Variants in TTC17 observed in about 807,000 individuals in gnomAD.
TTC17 encodes the protein tetratricopeptide repeat protein 17.
A neutral mutation model predicts 143.8 loss-of-function variants in TTC17; 58 were observed. The observed-to-expected ratio is 0.40, with a 90% CI of 0.33 to 0.50. The LOEUF is 0.50. TTC17 is among the 20% of genes least tolerant of loss of function. TTC17 has a pLI of 0.49. For missense variants in TTC17, 1,273 were observed against 1,392.5 expected, an observed-to-expected ratio of 0.91 and a Z score of 1.37; for synonymous variants, 501 against 497.8, an observed-to-expected ratio of 1.01 and a Z score of -0.09.
chr11:43,426,362 A>G (rs1947027331), intron 16 of TTC17, among the ~76,000 whole-genome samples: 1 of 152,222 alleles, frequency 6.6e-6, no homozygotes, highest in African/African-American at 2.4e-5. Flanking sequence ...AGAGGAAACA[A>G]TATGTAACAA....
chr11:43,387,383 A>C lies in TTC17; in HGVS notation c.250-2269A>C, dbSNP rs1283362685. On this transcript the variant is annotated intron_variant, in intron 2 of 23. Transcript: ENST00000039989. ...CTGAGAAGTGACATACACCATCTTT[A>C]CTCACATTCCATTGGCCAAAGCAAG... Among the ~76,000 whole-genome samples the C allele has an allele frequency of 2.0e-5, 3 of 152,248 alleles. No individual in the cohort carries two copies. In the East Asian group the frequency reaches 5.8e-4, roughly 29 times the overall value.
intron 21 of TTC17, among the ~76,000 whole-genome samples, chr11:43,471,953 A>AG (rs1258176462): frequency 6.6e-6 from 1 of 152,228 alleles, no homozygotes; most frequent in African/African-American, 2.4e-5. Flanking sequence ...AAAAGGACTA[A>AG]GTACTTCAGG....
chr11:43,419,411 T>G (rs766124272), intron 16 of TTC17, among the ~76,000 whole-genome samples: 2 of 152,224 alleles, frequency 1.3e-5, no homozygotes, highest in African/African-American at 4.8e-5. Context: ...TCATATCTCC[T>G]TTTATAACTT....
intron 1 of TTC17, chr11:43,370,246 C>T (rs77147762): frequency 6.8e-5 from 23 of 339,010 alleles, no homozygotes; most frequent in Admixed American, 2.7e-4. Flanking sequence ...TTTCTGCCTG[C>T]GTCATTCCAT....
chr11:43,479,263 T>A (rs1019534108), intron 21 of TTC17, among the ~76,000 whole-genome samples: 1 of 152,102 alleles, frequency 6.6e-6, no homozygotes, highest in Non-Finnish European at 1.5e-5. Flanking sequence ...AAAAAGTTCC[T>A]TTATTTTTGT....
intron 5 of TTC17, 21 bp downstream of exon 5, chr11:43,391,973 A>AGAGCCAGCGGGCT (rs772167419): frequency 2.5e-6 from 4 of 1,590,196 alleles, no homozygotes; most frequent in Admixed American, 1.9e-5. Flanking sequence ...AGTCACTTAA[A>AGAGCCAGCGGGCT]GAGCCAGCGG....
chr11:43,405,094 C>CTTTT (rs528720022), intron 11 of TTC17, among the ~76,000 whole-genome samples: 3 of 132,492 alleles, frequency 2.3e-5, no homozygotes, highest in Non-Finnish European at 5.0e-5. Flanking sequence ...TCTTCTTTTT[C>CTTTT]TTTTTTTTTT....
At chr11:43,418,754 CAA>C (rs749862745) in intron 16 of TTC17, among the ~76,000 whole-genome samples, 29 of 151,864 alleles carry the variant, frequency 1.9e-4, no homozygotes, top group Non-Finnish European at 3.2e-4. Flanking sequence ...CTTTTAATAA[CAA>C]TATGAGCAAA....
rs139287152 is a variant in TTC17, at chr11:43,397,181, T to G, written c.774-166T>G. Reference sequence around the variant, plus strand: ...CAATACCTTATTTTAGTGACAAAATTTGTAGCTATCAGATTAAGAGCCATC... The same window carrying G: ...CAATACCTTATTTTAGTGACAAAATGTGTAGCTATCAGATTAAGAGCCATC... On this transcript the variant is annotated intron_variant, in intron 6 of 23. Coordinates refer to ENST00000039989, the MANE Select transcript of TTC17 (RefSeq NM_018259.6). 1.4e-3 allele frequency: 972 copies of G among 689,712 alleles called. 6 individuals carry two copies. The African/African-American group carries it at 0.016, about 11-fold the overall frequency. The allele number at this position is 689,712 out of a possible 1,614,324, so 42.7% of individuals were successfully genotyped here.
At chr11:43,394,356 A>G (rs1267661102) in intron 5 of TTC17, among the ~76,000 whole-genome samples, 1 of 152,212 alleles carries the variant, frequency 6.6e-6, no homozygotes, top group African/African-American at 2.4e-5. Context: ...AATAGTTGAA[A>G]AGATCACTTT....
At position 43,397,471 on chromosome 11, in the gene TTC17, A is replaced by G; in HGVS notation, c.898A>G (p.Thr300Ala). Reference protein sequence around the residue: ...DDSDFFTSYYTLGNIYAMLGE... With the variant: ...DDSDFFTSYYALGNIYAMLGE... ...CAGTGACTTCTTCACCAGCTATTAC[A>G]CTTTGGGGAATATATATGCAGTAAG... Residue 300 changes from threonine (T) to alanine (A), a missense_variant, in exon 7 of 24, where the codon ACT (threonine) becomes GCT (alanine). Coordinates refer to ENST00000039989, the MANE Select transcript of TTC17 (RefSeq NM_018259.6). 6.2e-7 allele frequency: 1 copy of G among 1,610,740 alleles called. No homozygotes were observed. The highest frequency in any genetic ancestry group is 8.5e-7 in the Non-Finnish European group (1 of 1,179,554).
At chr11:43,448,312 C>G (rs539147423) in intron 19 of TTC17, among the ~76,000 whole-genome samples, 190 bp downstream of exon 19, 1 of 152,248 alleles carries the variant, frequency 6.6e-6, no homozygotes, top group South Asian at 2.1e-4. Flanking sequence ...GAGTGTGCCC[C>G]CCTTCCCGGT....
chr11:43,444,722 T>TACACACACACACACACAC (rs10638143), intron 18 of TTC17, among the ~76,000 whole-genome samples: 4 of 143,554 alleles, frequency 2.8e-5, no homozygotes, highest in African/African-American at 1.0e-4. Context: ...ACCAAATACA[T>TACACACACACACACACAC]ACACACACAC....
chr11:43,422,871 G>A (rs1207936529), intron 16 of TTC17, among the ~76,000 whole-genome samples: 2 of 152,144 alleles, frequency 1.3e-5, no homozygotes, highest in East Asian at 1.9e-4. Flanking sequence ...TATAGCTGGA[G>A]GGGCCTGTGG....
At chr11:43,408,743 A>G (rs1050385262) in intron 15 of TTC17, among the ~76,000 whole-genome samples, 1 of 151,688 alleles carries the variant, frequency 6.6e-6, no homozygotes, top group Non-Finnish European at 1.5e-5. Flanking sequence ...CCAAAAATAT[A>G]CCTTTTTTTT....
At chr11:43,475,247 G>C (rs12418410) in intron 21 of TTC17, among the ~76,000 whole-genome samples, 3 of 151,530 alleles carry the variant, frequency 2.0e-5, no homozygotes, top group Non-Finnish European at 2.9e-5. Flanking sequence ...TTCAGATGGG[G>C]TTTTTTTTTG....
At position 43,490,247 on chromosome 11, in the gene TTC17, G is replaced by A. The variant is rs375047326; in HGVS notation, c.3039G>A (p.Thr1013=). 1.6e-5 allele frequency: 26 copies of A among 1,609,848 alleles called. No homozygotes were observed. The highest frequency in any genetic ancestry group is 1.7e-4 in the Middle Eastern group (1 of 6,058). ...CTAACATTCCTTTGCAGAACCAGAC[G>A]TCCTGGGTCCTCTCCAGCATGGCAG... ...RIAKVLEKNQ[T]SWVLSSMAAL... Residue 1013 remains threonine, a synonymous_variant, in exon 22 of 24, where the codon ACG becomes ACA. Transcript: ENST00000039989.
chr11:43,451,335 C>CT, intron 21 of TTC17, 70 bp downstream of exon 21: 1 of 1,405,836 alleles, frequency 7.1e-7, no homozygotes, highest in Non-Finnish European at 1.0e-6. Flanking sequence ...TTATTTGCTC[C>CT]TAAGTGTCTG....
intron 1 of TTC17, chr11:43,370,515 C>G (rs558760627): frequency 4.5e-4 from 67 of 150,414 alleles, no homozygotes; most frequent in Non-Finnish European, 8.5e-4. Context: ...TTCCTCAGAC[C>G]TAAGCTTATA....
Sources: allele counts gnomAD v4.1 joint callset (sites outside exome capture counted in the v4.1 genomes callset), GRCh38; gene constraint gnomAD v4.1.1; transcripts MANE v1.5; gene names NCBI Gene and HGNC (gene_info 2026-07-23, HGNC 2026-07-21).